The following QRSL1 variants were observed in gnomAD, a reference collection of about 807,000 sequenced individuals.
QRSL1 encodes glutamyl-tRNA(Gln) amidotransferase subunit A, mitochondrial.
In QRSL1, 54 loss-of-function variants were observed where a neutral mutation model predicts 61.6. The observed-to-expected ratio is 0.88, with a 90% CI of 0.70 to 1.10. QRSL1 has a LOEUF of 1.10. Among genes scored for constraint, QRSL1 ranks in the 50% least tolerant of loss-of-function variants. The probability of loss-of-function intolerance (pLI) is 0.00; values close to 1 mark genes in which losing one functional copy is unlikely to be tolerated. For synonymous variants in QRSL1, 228 were observed against 225.7 expected (o/e 1.01, Z -0.09); for missense variants, 505 against 622.6 (o/e 0.81, Z 2.01).
At chr6:106,649,328 G>A in intron 5 of QRSL1, 127 bp downstream of exon 5, 3 of 865,912 alleles carry the variant, frequency 3.5e-6, no homozygotes, top group Non-Finnish European at 5.2e-6. Context: ...GTGCTCAAAG[G>A]TATATCAAAA....
At chr6:106,647,796 G>A (rs1398733781) in intron 4 of QRSL1, among the ~76,000 whole-genome samples, 18 of 147,066 alleles carry the variant, frequency 1.2e-4, no homozygotes, top group East Asian at 2.2e-4. Flanking sequence ...GACTACAGGC[G>A]CCCGCCACCA....
At chr6:106,641,384 G>A (rs1049074982) in intron 3 of QRSL1, among the ~76,000 whole-genome samples, 24 of 152,146 alleles carry the variant, frequency 1.6e-4, no homozygotes, top group Non-Finnish European at 2.6e-4. Flanking sequence ...GTATGAACTG[G>A]CTATCATCAA....
chr6:106,652,845 T>G lies in QRSL1; in HGVS notation c.849+263T>G, dbSNP rs367751531. ...TAAATTGTTTCTGTAATGGGCAAGA[T>G]AGCAAATATTTTAGATTTTGTGGAC... On this transcript the variant is annotated intron_variant, in intron 7 of 10. Transcript: ENST00000369046. The G allele has an allele frequency of 3.7e-5, 45 of 1,232,790 alleles. 1 individual carries two copies. The highest frequency in any genetic ancestry group is 2.8e-4 in the East Asian group (11 of 39,086). The allele number at this position is 1,232,790 out of a possible 1,614,324, so 76.4% of individuals were successfully genotyped here.
intron 7 of QRSL1, 63 bp downstream of exon 7, chr6:106,652,645 G>C (rs1210445507): frequency 6.2e-7 from 1 of 1,605,576 alleles, no homozygotes; most frequent in African/African-American, 1.3e-5. Flanking sequence ...GCACAGACTT[G>C]GGAGGCGGAT....
intron 1 of QRSL1, among the ~76,000 whole-genome samples, chr6:106,633,001 T>A (rs911974724): frequency 1.3e-5 from 2 of 152,240 alleles, no homozygotes; most frequent in Non-Finnish European, 2.9e-5. Flanking sequence ...TCATAGCTCC[T>A]TAAGTGCTAC....
intron 1 of QRSL1, among the ~76,000 whole-genome samples, chr6:106,634,863 A>G (rs1161408611): frequency 6.6e-6 from 1 of 152,072 alleles, no homozygotes; most frequent in East Asian, 1.9e-4. Context: ...GGGTTTGCAG[A>G]TGTTTTGGAT....
chr6:106,657,158 A>G (rs1777283906), intron 9 of QRSL1, among the ~76,000 whole-genome samples: 1 of 151,998 alleles, frequency 6.6e-6, no homozygotes, highest in Non-Finnish European at 1.5e-5. Context: ...AATCCCAGCA[A>G]CTCGAGAGAC....
intron 1 of QRSL1, among the ~76,000 whole-genome samples, chr6:106,638,899 C>T (rs1776964604): frequency 6.6e-6 from 1 of 152,094 alleles, no homozygotes; most frequent in African/African-American, 2.4e-5. Context: ...ACTTCTGTTG[C>T]TTTATGGAAC....
chr6:106,643,442 G>A (rs896020239), intron 4 of QRSL1, among the ~76,000 whole-genome samples: 2 of 152,150 alleles, frequency 1.3e-5, no homozygotes, highest in African/African-American at 2.4e-5. Flanking sequence ...CACTTTGGGA[G>A]TCCGAGGCAG....
intron 4 of QRSL1, among the ~76,000 whole-genome samples, chr6:106,647,406 A>G (rs1165330827): frequency 6.6e-6 from 1 of 151,598 alleles, no homozygotes; most frequent in Non-Finnish European, 1.5e-5. Context: ...TTGGGAGGCC[A>G]AGGCATGGTA....
intron 9 of QRSL1, among the ~76,000 whole-genome samples, chr6:106,662,208 T>C (rs1777367983): frequency 2.0e-5 from 3 of 152,198 alleles, no homozygotes; most frequent in African/African-American, 7.2e-5. Context: ...ATTCAAATAC[T>C]GCATAGTCTA....
At chr6:106,641,413 G>A (rs543198594) in intron 3 of QRSL1, among the ~76,000 whole-genome samples, 9 of 152,298 alleles carry the variant, frequency 5.9e-5, no homozygotes, top group South Asian at 2.1e-4. Context: ...TGTGGATGAC[G>A]TGAGGATTCA....
intron 1 of QRSL1, among the ~76,000 whole-genome samples, chr6:106,639,735 C>G (rs776202438): frequency 1.3e-5 from 2 of 152,150 alleles, no homozygotes; most frequent in Non-Finnish European, 2.9e-5. Context: ...ACTTCCCAGT[C>G]ACTTTCGGTG....
At chr6:106,643,676 G>GT (rs1777060721) in intron 4 of QRSL1, among the ~76,000 whole-genome samples, 1 of 141,626 alleles carries the variant, frequency 7.1e-6, no homozygotes, top group South Asian at 2.2e-4. Flanking sequence ...GTGCAACTCT[G>GT]TCTCAAAAAA....
In QRSL1 at chr6:106,665,998, A is replaced by G. The variant is rs758633878; in HGVS notation, c.1583A>G (p.Gln528Arg). ...AAGTTAGCCTCTGTCTCTCTAAAAC[A>G]GTAAACATATCTTACAAATTAAAAT... The part of the protein sequence containing the change: ...NEKLASVSLK[Q>R] Residue 528 changes from glutamine to arginine, a missense_variant, in exon 11 of 11, where the codon CAG becomes CGG. Transcript: ENST00000369046. The G allele has an allele frequency of 3.7e-6, 6 of 1,612,932 alleles. No individual in the cohort carries two copies. In the South Asian group the frequency reaches 5.5e-5, roughly 15 times the overall value.
At chr6:106,640,985 T>A (rs1270396366) in intron 3 of QRSL1, 64 bp downstream of exon 3, 3 of 1,129,266 alleles carry the variant, frequency 2.7e-6, no homozygotes, top group Admixed American at 3.7e-5. Flanking sequence ...GCTTTAAGGA[T>A]AATAAAGTAC....
At chr6:106,655,970 A>G (rs1347233747) in intron 9 of QRSL1, among the ~76,000 whole-genome samples, 5 of 152,210 alleles carry the variant, frequency 3.3e-5, no homozygotes, top group South Asian at 4.1e-4. Flanking sequence ...GGGTTTTGCA[A>G]CCTTGGATTC....
intron 4 of QRSL1, among the ~76,000 whole-genome samples, chr6:106,644,017 A>G (rs1414154111): frequency 1.3e-5 from 2 of 151,848 alleles, no homozygotes; most frequent in African/African-American, 4.8e-5. Context: ...GACTACAGGC[A>G]TGCCCCACCA....
chr6:106,647,003 G>A lies in QRSL1; in HGVS notation c.381-2022G>A, dbSNP rs533388312. 3.7e-3 allele frequency among the ~76,000 whole-genome samples: 494 copies of A among 133,680 alleles called. 5 individuals carry two copies. Among genetic ancestry groups the A allele is most frequent in the African/African-American group, 0.013 (474 of 35,866 alleles). The allele number at this position is 133,680 out of a possible 152,430, so 87.7% of individuals were successfully genotyped here. A position where few individuals can be genotyped will look rare whatever the true frequency, so the allele number is the denominator to read the frequency against. ...AAATCACGCCACTGCACTCCAGCCT[G>A]GGTGACAGAGCAAGACTCCTTCTCA... On this transcript the variant is annotated intron_variant, in intron 4 of 10. Coordinates refer to ENST00000369046, the MANE Select transcript of QRSL1 (RefSeq NM_018292.5).
Sources: gnomAD v4.1 joint callset for allele counts (sites outside exome capture counted in the v4.1 genomes callset) on GRCh38, gnomAD v4.1.1 for gene constraint, MANE v1.5 for transcripts, NCBI Gene and HGNC (gene_info 2026-07-23, HGNC 2026-07-21) for gene names.